Variants in IQSEC1 observed in about 807,000 individuals in gnomAD.
IQSEC1 encodes the protein IQ motif and Sec7 domain ArfGEF 1, also known as IQ motif and SEC7 domain-containing protein 1.
A neutral mutation model predicts 91.0 loss-of-function variants in IQSEC1; 31 were observed. That is an observed-to-expected ratio of 0.34 (90% CI 0.26 to 0.46). The LOEUF is 0.46. IQSEC1 is among the 20% of genes least tolerant of loss of function. IQSEC1 has a pLI of 1.00. For missense variants in IQSEC1, 1,388 were observed against 1,575.6 expected, an observed-to-expected ratio of 0.88 and a Z score of 2.02; for synonymous variants, 699 against 662.6, an observed-to-expected ratio of 1.05 and a Z score of -0.84.
chr3:12,901,203 TGGTGGTACG>T lies in IQSEC1; in HGVS notation c.3116_3124del (p.Pro1039_His1041del). On this transcript the variant is annotated inframe_deletion, in exon 14 of 14. Coordinates refer to ENST00000613206, the MANE Select transcript of IQSEC1 (RefSeq NM_001134382.3). ...CTGGGGTGGGTGGTGGTGGTGGTGA[TGGTGGTACG>T]GGGGAGGGTTCTGCATGTGGCAGTA... 1 of 1,544,730 alleles carries T rather than the reference TGGTGGTACG, an allele frequency of 6.5e-7. No homozygotes were observed. The highest frequency in any genetic ancestry group is 1.2e-5 in the South Asian group (1 of 83,676).
At chr3:13,022,809 T>C (rs1386516379) in intron 1 of IQSEC1, among the ~76,000 whole-genome samples, 1 of 152,190 alleles carries the variant, frequency 6.6e-6, no homozygotes, top group African/African-American at 2.4e-5. Context: ...GCTGCTCCTC[T>C]GGACAGTGGT....
intron 1 of IQSEC1, among the ~76,000 whole-genome samples, chr3:12,997,237 T>C (rs527271401): frequency 1.3e-5 from 2 of 152,324 alleles, no homozygotes; most frequent in South Asian, 4.1e-4. Flanking sequence ...TAAAAGGCTC[T>C]ATGTAGATGT....
At chr3:13,025,321 C>T (rs1457592358) in intron 1 of IQSEC1, among the ~76,000 whole-genome samples, 1 of 152,268 alleles carries the variant, frequency 6.6e-6, no homozygotes, top group Non-Finnish European at 1.5e-5. Context: ...ACACAGCCCG[C>T]TGGGGATGAA....
At position 12,922,971 on chromosome 3, in the gene IQSEC1, A is replaced by G. The variant is rs1696774528; in HGVS notation, c.1731-729T>C. 6.6e-6 allele frequency among the ~76,000 whole-genome samples: 1 copy of G among 152,160 alleles called. No individual in the cohort carries two copies. The highest frequency in any genetic ancestry group is 1.5e-5 in the Non-Finnish European group (1 of 68,010). Reference sequence around the variant, plus strand: ...TGCTGCGGTCACTCCCATGGGGCAGAGAGAGGCCTGGCCACACAGGGCCTG... The same window carrying G: ...TGCTGCGGTCACTCCCATGGGGCAGGGAGAGGCCTGGCCACACAGGGCCTG... On this transcript the variant is annotated intron_variant, in intron 4 of 13. Coordinates refer to ENST00000613206, the MANE Select transcript of IQSEC1 (RefSeq NM_001134382.3). This position sits in a 1 kb window ranked among gnomAD's most constrained non-coding sequence, Gnocchi z 5.1.
At position 12,908,337 on chromosome 3, in the gene IQSEC1, C is replaced by G. The variant is rs1229058859; in HGVS notation, c.2755+12G>C. The G allele has an allele frequency of 6.2e-7, 1 of 1,610,764 alleles. No individual in the cohort carries two copies. Among genetic ancestry groups the G allele is most frequent in the African/African-American group, 1.3e-5 (1 of 74,838 alleles). ...GCTGGGCTAGCAAGGTGGTTCTAGGCCAAGCTCTTACCGGCTTCCGAGAGG... is the reference window on the plus strand; with the variant it reads ...GCTGGGCTAGCAAGGTGGTTCTAGGGCAAGCTCTTACCGGCTTCCGAGAGG... On this transcript the variant is annotated intron_variant, in intron 12 of 13. Coordinates refer to ENST00000613206, the MANE Select transcript of IQSEC1 (RefSeq NM_001134382.3). The surrounding 1 kb of genome is among the most constrained non-coding windows in gnomAD (Gnocchi z 4.9).
intron 1 of IQSEC1, among the ~76,000 whole-genome samples, chr3:12,944,626 C>T (rs554595183): frequency 2.4e-4 from 36 of 152,320 alleles, no homozygotes; most frequent in African/African-American, 7.9e-4. Flanking sequence ...TTCAGTCAGG[C>T]GCCAAATCTG....
At chr3:12,903,494 C>A (rs1002160507) in intron 12 of IQSEC1, among the ~76,000 whole-genome samples, 2 of 152,202 alleles carry the variant, frequency 1.3e-5, no homozygotes, top group East Asian at 1.9e-4. Context: ...GTACCACCCC[C>A]CAAAGGGGCC....
intron 1 of IQSEC1, among the ~76,000 whole-genome samples, chr3:12,962,500 T>C (rs1388657561): frequency 6.6e-6 from 1 of 152,198 alleles, no homozygotes; most frequent in Non-Finnish European, 1.5e-5. Context: ...TCGTTCCAAT[T>C]CTTCCAGTTT....
chr3:12,911,628 C>G lies in IQSEC1; in HGVS notation c.2416+1G>C. On this transcript the variant is annotated splice_donor_variant, in intron 10 of 13. Transcript: ENST00000613206. LOFTEE classifies it high-confidence loss of function. ...CAGGCAGGCCCTGGGGGCAGACTTACACTGGTTCTCGAAGAGCAGGACCTG... is the reference window on the plus strand; with the variant it reads ...CAGGCAGGCCCTGGGGGCAGACTTAGACTGGTTCTCGAAGAGCAGGACCTG... 1 of 1,610,602 alleles carries G rather than the reference C, an allele frequency of 6.2e-7. No homozygotes were observed. The highest frequency in any genetic ancestry group is 8.5e-7 in the Non-Finnish European group (1 of 1,176,948).
At chr3:13,080,776 C>A (rs1416470758) in intron 2 of IQSEC1, among the ~76,000 whole-genome samples, 1 of 152,196 alleles carries the variant, frequency 6.6e-6, no homozygotes, top group Non-Finnish European at 1.5e-5. Context: ...CCCCGCCCTG[C>A]CGCTGTTCCA....
rs1364174336 is a variant in IQSEC1, at chr3:12,901,316, C to T, written c.3012G>A (p.Leu1004=). The T allele has an allele frequency of 2.6e-6, 4 of 1,511,514 alleles. No individual in the cohort carries two copies. Among genetic ancestry groups the T allele is most frequent in the Non-Finnish European group, 3.6e-6 (4 of 1,122,856 alleles). The allele number at this position is 1,511,514 out of a possible 1,614,324, so 93.6% of individuals were successfully genotyped here. A position where few individuals can be genotyped will look rare whatever the true frequency, so the allele number is the denominator to read the frequency against. Residue 1004 remains leucine, a synonymous_variant, in exon 14 of 14, where the codon TTG becomes TTA. Coordinates refer to ENST00000613206, the MANE Select transcript of IQSEC1 (RefSeq NM_001134382.3). ...PPHPPVVLPH[L]QHSVAGHHLG... ...GGTGGTGGCCAGCCACAGAGTGCTG[C>T]AAGTGAGGCAGGACCACCGGTGGGT...
intron 1 of IQSEC1, among the ~76,000 whole-genome samples, chr3:12,972,347 A>T (rs1700947456): frequency 6.6e-6 from 1 of 151,966 alleles, no homozygotes; most frequent in Non-Finnish European, 1.5e-5. Flanking sequence ...AAATCAAGGG[A>T]CTGAAGGTCT....
At chr3:13,104,326 G>C (rs763383086) in intron 2 of IQSEC1, among the ~76,000 whole-genome samples, 1 of 152,154 alleles carries the variant, frequency 6.6e-6, no homozygotes, top group South Asian at 2.1e-4. Flanking sequence ...TGAGTCCCCT[G>C]GGTGACCCTG....
chr3:13,219,390 A>AC (rs1694613465), intron 1 of IQSEC1, among the ~76,000 whole-genome samples: 1 of 151,458 alleles, frequency 6.6e-6, no homozygotes, highest in South Asian at 2.1e-4. Flanking sequence ...CAGTGTAACC[A>AC]CCCCACAGCC....
chr3:12,957,983 T>TA (rs1378263600), intron 1 of IQSEC1, among the ~76,000 whole-genome samples: 1 of 152,180 alleles, frequency 6.6e-6, no homozygotes, highest in Non-Finnish European at 1.5e-5. Context: ...ATGAAGAAAC[T>TA]AAGGCACAGA....
At chr3:13,114,933 T>C (rs1477673557) in intron 2 of IQSEC1, among the ~76,000 whole-genome samples, 5 of 152,032 alleles carry the variant, frequency 3.3e-5, no homozygotes, top group African/African-American at 7.3e-5. Flanking sequence ...GTAGGGCCCA[T>C]GCACGGTTCA....
chr3:13,042,823 C>T (rs939687259), intron 1 of IQSEC1, among the ~76,000 whole-genome samples: 2 of 152,208 alleles, frequency 1.3e-5, no homozygotes, highest in African/African-American at 2.4e-5. Flanking sequence ...GTCCTACACC[C>T]GCCTGGCTGG....
At chr3:13,168,152 A>G (rs932111218) in intron 1 of IQSEC1, among the ~76,000 whole-genome samples, 1 of 152,236 alleles carries the variant, frequency 6.6e-6, no homozygotes, top group Non-Finnish European at 1.5e-5. Context: ...ACATGGAAAT[A>G]AATCCCCCTT....
At chr3:12,984,827 T>C (rs1701645240) in intron 1 of IQSEC1, among the ~76,000 whole-genome samples, 1 of 139,950 alleles carries the variant, frequency 7.1e-6, no homozygotes, top group African/African-American at 2.7e-5. Context: ...TTTTTTTTTT[T>C]TTTTTTTTTT....
Sources: gnomAD v4.1 joint callset for allele counts (sites outside exome capture counted in the v4.1 genomes callset) on GRCh38, gnomAD v4.1.1 for gene constraint, Gnocchi (gnomAD v3.1) non-coding constraint, MANE v1.5 for transcripts, NCBI Gene and HGNC (gene_info 2026-07-23, HGNC 2026-07-21) for gene names.